The following DGKE variants were observed in gnomAD, a reference collection of about 807,000 sequenced individuals.
DGKE encodes DAG kinase epsilon.
Under a neutral mutation model 70.0 loss-of-function variants are expected in DGKE, and 53 were observed. That is an observed-to-expected ratio of 0.76 (90% CI 0.61 to 0.95). DGKE has a LOEUF of 0.95. Among genes scored for constraint, DGKE ranks in the 40% least tolerant of loss-of-function variants. The pLI, the probability that DGKE is intolerant of heterozygous loss-of-function variation, is 0.00. For missense variants in DGKE, 655 were observed against 706.9 expected, an observed-to-expected ratio of 0.93 and a Z score of 0.83; for synonymous variants, 291 against 257.0, an observed-to-expected ratio of 1.13 and a Z score of -1.27.
At position 56,861,860 on chromosome 17, in the gene DGKE, TG is replaced by T; in HGVS notation, c.1358del (p.Gly453AlafsTer17). On this transcript the variant is annotated frameshift_variant, in exon 10 of 12. Transcript: ENST00000284061. LOFTEE classifies it high-confidence loss of function. ...TATTATAGTTCTGAACATCGGATAC[TG>T]GGGCGGTGGCTGCAGACTATGGGAA... ...EGIIVLNIGY[W>X]GGGCRLWEGM... 27 of 1,613,934 alleles carry T rather than the reference TG, an allele frequency of 1.7e-5. No individual in the cohort carries two copies. The highest frequency in any genetic ancestry group is 2.3e-5 in the Non-Finnish European group (27 of 1,179,952).
At chr17:56,862,062 G>A in intron 10 of DGKE, 78 bp from the exon 11 acceptor site, 4 of 1,556,584 alleles carry the variant, frequency 2.6e-6, no homozygotes, top group Middle Eastern at 3.4e-4. Context: ...TGGTCCAACT[G>A]TGTTAAAAAG....
At position 56,835,067 on chromosome 17, in the gene DGKE, G is replaced by A. The variant is rs1320120680; in HGVS notation, c.272G>A (p.Gly91Glu). Residue 91 changes from glycine (G) to glutamate (E), a missense_variant, in exon 2 of 12, where the codon GGG (glycine) becomes GAG (glutamate). Physicochemically the swap from Gly to Glu is moderately conservative, Grantham distance 98. Coordinates refer to ENST00000284061, the MANE Select transcript of DGKE (RefSeq NM_003647.3). ...CAGGGCGCCTTCTGCGACTGCTGCG[G>A]GCTCCGCGTGGACGAGGGCTGCCTC... ...ILQGAFCDCC[G>E]LRVDEGCLRK... 3 of 1,613,378 alleles carry A rather than the reference G, an allele frequency of 1.9e-6. No individual in the cohort carries two copies. Among genetic ancestry groups the A allele is most frequent in the South Asian group, 2.2e-5 (2 of 91,084 alleles).
Position 56,847,957 on chromosome 17 carries a change from C to G in DGKE, c.780C>G (p.Ala260=), listed in dbSNP as rs773771287. 3.1e-6 allele frequency: 5 copies of G among 1,592,596 alleles called. No homozygotes were observed. The highest frequency in any genetic ancestry group is 4.3e-6 in the Non-Finnish European group (5 of 1,169,416). ...TAACTAAAACTCCTCCTATCAAAGC[C>G]CTACAACTCTGTACTCTTCTCCCAT... The part of the protein sequence containing the change: ...FDVTKTPPIK[A]LQLCTLLPYY... Residue 260 remains alanine, a synonymous_variant, in exon 5 of 12, where the codon GCC becomes GCG. Coordinates refer to ENST00000284061, the MANE Select transcript of DGKE (RefSeq NM_003647.3).
chr17:56,858,701 AGGT>A (rs1192878288), intron 9 of DGKE, 36 bp downstream of exon 9: 1 of 1,458,766 alleles, frequency 6.9e-7, no homozygotes, highest in East Asian at 2.3e-5. Context: ...TTAAAGTTTT[AGGT>A]GGTCTCTGGA....
intron 2 of DGKE, among the ~76,000 whole-genome samples, chr17:56,841,349 T>C: frequency 6.6e-6 from 1 of 152,030 alleles, no homozygotes; most frequent in East Asian, 1.9e-4. Flanking sequence ...CTTAAGTAGA[T>C]TAAAAAGACA....
chr17:56,863,748 A>G lies in DGKE; in HGVS notation c.*957A>G, dbSNP rs142320562. 1 of 152,226 alleles carries G rather than the reference A, an allele frequency of 6.6e-6. No individual in the cohort carries two copies. Among genetic ancestry groups the G allele is most frequent in the Non-Finnish European group, 1.5e-5 (1 of 68,038 alleles). 9.4% of individuals were successfully genotyped at this position (152,226 alleles called of 1,614,324 possible). A position where few individuals can be genotyped will look rare whatever the true frequency, so the allele number is the denominator to read the frequency against. On this transcript the variant is annotated 3_prime_UTR_variant, in exon 12 of 12. Coordinates refer to ENST00000284061, the MANE Select transcript of DGKE (RefSeq NM_003647.3). ...AATTTCCCCTTAGGGAGGTAAGTGG[A>G]CAGAAATCTTTGCTAAAATGTTTAT...
intron 7 of DGKE, among the ~76,000 whole-genome samples, chr17:56,850,901 A>G (rs1409713267): frequency 6.6e-5 from 10 of 152,218 alleles, no homozygotes; most frequent in Admixed American, 5.9e-4. Context: ...GGGAGAGAAC[A>G]GGGTGCAGGT....
At chr17:56,837,554 T>C (rs954440508) in intron 2 of DGKE, among the ~76,000 whole-genome samples, 4 of 152,248 alleles carry the variant, frequency 2.6e-5, no homozygotes, top group Non-Finnish European at 5.9e-5. Context: ...GTTGTACATA[T>C]TCTACAGTGT....
At chr17:56,857,616 C>G (rs999732196) in intron 8 of DGKE, among the ~76,000 whole-genome samples, 8 of 152,004 alleles carry the variant, frequency 5.3e-5, no homozygotes, top group Non-Finnish European at 5.9e-5. Context: ...TTACATCAAC[C>G]TTTTTGTATT....
intron 7 of DGKE, among the ~76,000 whole-genome samples, chr17:56,855,877 G>A (rs996833837): frequency 1.3e-4 from 20 of 152,004 alleles, no homozygotes; most frequent in African/African-American, 4.8e-4. Flanking sequence ...ATGGTGGCGG[G>A]CGCCTGTAAT....
In DGKE at chr17:56,854,320, G is replaced by GT. The variant is rs149654085; in HGVS notation, c.1099-2184dup. Among the ~76,000 whole-genome samples the GT allele has an allele frequency of 7.2e-3, 1,087 of 151,320 alleles. 17 individuals carry two copies. The highest frequency in any genetic ancestry group is 0.025 in the African/African-American group (1,024 of 41,276). On this transcript the variant is annotated intron_variant, in intron 7 of 11. Coordinates refer to ENST00000284061, the MANE Select transcript of DGKE (RefSeq NM_003647.3). ...GAGAGGTTTTTTGTTTTTGTTTTTTGTTTTTTTTGTGTTTTTTTGAGACGG... is the reference window on the plus strand; with the variant it reads ...GAGAGGTTTTTTGTTTTTGTTTTTTGTTTTTTTTTGTGTTTTTTTGAGACGG...
intron 2 of DGKE, among the ~76,000 whole-genome samples, chr17:56,842,259 T>A (rs532790373): frequency 2.1e-3 from 326 of 152,326 alleles, no homozygotes; most frequent in African/African-American, 7.4e-3. Flanking sequence ...AGCTAGTATT[T>A]AAAATAATTT....
At chr17:56,858,071 CAAAA>C (rs11449627) in intron 8 of DGKE, among the ~76,000 whole-genome samples, 1 of 100,530 alleles carries the variant, frequency 9.9e-6, no homozygotes, top group Non-Finnish European at 2.0e-5. Flanking sequence ...GACTCCATCT[CAAAA>C]AAAAAAAAAA....
At chr17:56,862,333 T>A in intron 11 of DGKE, 82 bp downstream of exon 11, 1 of 1,340,452 alleles carries the variant, frequency 7.5e-7, no homozygotes, top group Non-Finnish European at 1.1e-6. Flanking sequence ...CATGCTATAC[T>A]TTTCTTTAAA....
At chr17:56,842,463 T>A (rs1322172148) in intron 2 of DGKE, among the ~76,000 whole-genome samples, 3 of 152,222 alleles carry the variant, frequency 2.0e-5, no homozygotes, top group Non-Finnish European at 4.4e-5. Flanking sequence ...TATACTATTT[T>A]AAAGTTATGG....
At chr17:56,862,520 AGG>A in intron 11 of DGKE, 90 bp from the exon 12 acceptor site, 1 of 1,149,726 alleles carries the variant, frequency 8.7e-7, no homozygotes, top group South Asian at 1.9e-5. Flanking sequence ...GAAATGCATA[AGG>A]GTTAAGGGAT....
In DGKE at chr17:56,867,085, T is replaced by C. The variant is rs1285871423; in HGVS notation, c.*4294T>C. The stretch of plus-strand genomic sequence containing the variant: ...CATATAGTCTATTTAATTTTTGATA[T>C]GTAAATACACATCAATACATATATA... On this transcript the variant is annotated 3_prime_UTR_variant, in exon 12 of 12. Coordinates refer to ENST00000284061, the MANE Select transcript of DGKE (RefSeq NM_003647.3). 2.0e-5 allele frequency: 3 copies of C among 152,228 alleles called. No individual in the cohort carries two copies. The highest frequency in any genetic ancestry group is 6.5e-5 in the Admixed American group (1 of 15,290). The allele number at this position is 152,228 out of a possible 1,614,324, so 9.4% of individuals were successfully genotyped here.
intron 2 of DGKE, among the ~76,000 whole-genome samples, chr17:56,843,087 T>G (rs926841823): frequency 2.0e-5 from 3 of 152,212 alleles, no homozygotes; most frequent in Non-Finnish European, 4.4e-5. Context: ...AGTGGGGCAT[T>G]TAAACAGCAA....
At chr17:56,843,971 G>T in intron 2 of DGKE, 48 bp from the exon 3 acceptor site, 2 of 1,480,898 alleles carry the variant, frequency 1.4e-6, no homozygotes, top group Non-Finnish European at 1.8e-6. Flanking sequence ...GGTTATCATT[G>T]AGATTATGGT....
Sources: gnomAD v4.1 joint callset for allele counts (sites outside exome capture counted in the v4.1 genomes callset) on GRCh38, gnomAD v4.1.1 for gene constraint, MANE v1.5 for transcripts, NCBI Gene and HGNC (gene_info 2026-07-23, HGNC 2026-07-21) for gene names.